The following HERPUD2 variants were observed in gnomAD, a reference collection of about 807,000 sequenced individuals.
HERPUD2 encodes HERPUD family member 2.
HERPUD2 carries 13 observed loss-of-function variants against 49.9 expected under a neutral mutation model. That is an observed-to-expected ratio of 0.26 (90% CI 0.17 to 0.41). HERPUD2 has a LOEUF of 0.41. Among genes scored for constraint, HERPUD2 ranks in the 10% least tolerant of loss-of-function variants. The pLI is 1.00. For missense variants in HERPUD2, 449 were observed against 492.2 expected, an observed-to-expected ratio of 0.91 and a Z score of 0.83; for synonymous variants, 172 against 171.4, an observed-to-expected ratio of 1.00 and a Z score of -0.03.
intron 5 of HERPUD2, among the ~76,000 whole-genome samples, chr7:35,658,660 T>C (rs1785336388): frequency 1.3e-5 from 2 of 152,220 alleles, no homozygotes; most frequent in Admixed American, 6.5e-5. Flanking sequence ...TTTTCAGATT[T>C]GTTATAAAAC....
chr7:35,686,349 G>A (rs922266627), intron 2 of HERPUD2, among the ~76,000 whole-genome samples: 47 of 149,112 alleles, frequency 3.2e-4, no homozygotes, highest in African/African-American at 5.4e-4. Context: ...CACCACGCCC[G>A]GCTAATTTTT....
intron 2 of HERPUD2, among the ~76,000 whole-genome samples, chr7:35,674,629 C>T (rs547900794): frequency 1.3e-5 from 2 of 151,780 alleles, no homozygotes; most frequent in Non-Finnish European, 2.9e-5. Context: ...GGGGAACCAA[C>T]AAAGTGATTA....
chr7:35,661,378 A>G (rs948620397), intron 5 of HERPUD2, among the ~76,000 whole-genome samples: 1 of 152,176 alleles, frequency 6.6e-6, no homozygotes, highest in African/African-American at 2.4e-5. Flanking sequence ...TTTTGGTTCC[A>G]TATGAACTTT....
rs188420339 is a variant in HERPUD2, at chr7:35,662,132, C to T, written c.494+5302G>A. Among the ~76,000 whole-genome samples, 7 of 152,268 alleles carry T rather than the reference C, an allele frequency of 4.6e-5. No individual in the cohort carries two copies. The East Asian group carries it at 1.3e-3, about 29-fold the overall frequency. On this transcript the variant is annotated intron_variant, in intron 5 of 8. Transcript: ENST00000311350. ...CCTTTTCTGCATCTATTGAGATAAT[C>T]ATGTGGTTTCTGTCTTTAGTTCTGT...
In HERPUD2 at chr7:35,686,911, C is replaced by T. The variant is rs530133909; in HGVS notation, c.147+7273G>A. 1.7e-4 allele frequency among the ~76,000 whole-genome samples: 23 copies of T among 137,086 alleles called. No individual in the cohort carries two copies. In the South Asian group the frequency reaches 3.1e-3, roughly 19 times the overall value. 89.9% of individuals were successfully genotyped at this position (137,086 alleles called of 152,430 possible). A position where few individuals can be genotyped will look rare whatever the true frequency, so the allele number is the denominator to read the frequency against. On this transcript the variant is annotated intron_variant, in intron 2 of 8. Transcript: ENST00000311350. Reference sequence around the variant, plus strand: ...TGAAACCCCGTCTCTACTGAAAATACAGAAAAATTAGGTGGGCAGGCGCCT... The same window carrying T: ...TGAAACCCCGTCTCTACTGAAAATATAGAAAAATTAGGTGGGCAGGCGCCT...
At chr7:35,674,522 C>T (rs546168811) in intron 2 of HERPUD2, among the ~76,000 whole-genome samples, 1 of 148,786 alleles carries the variant, frequency 6.7e-6, no homozygotes, top group Non-Finnish European at 1.5e-5. Context: ...CTGTTTCCTG[C>T]CGAACAGCTC....
rs1562683184 is a variant in HERPUD2 at position 35,675,121 on chromosome 7, A to C, written c.148-1843T>G. Among the ~76,000 whole-genome samples the C allele has an allele frequency of 7.2e-5, 11 of 152,300 alleles. No individual in the cohort carries two copies. In the South Asian group the frequency reaches 2.3e-3, roughly 32 times the overall value. On this transcript the variant is annotated intron_variant, in intron 2 of 8. Coordinates refer to ENST00000311350, the MANE Select transcript of HERPUD2 (RefSeq NM_022373.5). ...GTGGGATTGAGCCCTCAACCTGTGG[A>C]ATCTATCCCCAGGTAGATAGTGTCA...
chr7:35,644,152 C>CT (rs1231973008), intron 5 of HERPUD2, among the ~76,000 whole-genome samples: 1 of 151,856 alleles, frequency 6.6e-6, no homozygotes, highest in Non-Finnish European at 1.5e-5. Context: ...TGTGAAAACT[C>CT]TTTAACTTTT....
intron 2 of HERPUD2, among the ~76,000 whole-genome samples, chr7:35,692,995 GTAAT>G (rs1033950623): frequency 1.3e-5 from 2 of 152,170 alleles, no homozygotes; most frequent in Non-Finnish European, 2.9e-5. Flanking sequence ...AAAAGTTTTA[GTAAT>G]TAAACACTAC....
intron 5 of HERPUD2, among the ~76,000 whole-genome samples, chr7:35,638,953 C>G (rs957328904): frequency 6.6e-6 from 1 of 151,816 alleles, no homozygotes; most frequent in Non-Finnish European, 1.5e-5. Flanking sequence ...TTACAAAAAC[C>G]TGTAAAATAT....
rs547565607 is a variant in HERPUD2 at position 35,637,725 on chromosome 7, C to A, written c.617+625G>T. Among the ~76,000 whole-genome samples the A allele has an allele frequency of 1.1e-4, 17 of 152,146 alleles. No individual in the cohort carries two copies. The South Asian group carries it at 3.3e-3, about 30-fold the overall frequency. Reference sequence around the variant, plus strand: ...GCTGAGAAGCACGTAGTAACAAATACGTGATGAACTGAGAAAGAAATGTTA... The same window carrying A: ...GCTGAGAAGCACGTAGTAACAAATAAGTGATGAACTGAGAAAGAAATGTTA... On this transcript the variant is annotated intron_variant, in intron 6 of 8. Transcript: ENST00000311350.
At chr7:35,678,646 CT>C (rs1348939155) in intron 2 of HERPUD2, among the ~76,000 whole-genome samples, 2 of 152,132 alleles carry the variant, frequency 1.3e-5, no homozygotes, top group Non-Finnish European at 2.9e-5. Context: ...AAAAGGAAAT[CT>C]TTTAATTAAT....
At chr7:35,683,864 C>T (rs1430035553) in intron 2 of HERPUD2, among the ~76,000 whole-genome samples, 3 of 152,172 alleles carry the variant, frequency 2.0e-5, no homozygotes, top group African/African-American at 7.2e-5. Flanking sequence ...GCAATACCAC[C>T]TTACTGCTGC....
chr7:35,665,440 G>A (rs1455273054), intron 5 of HERPUD2, among the ~76,000 whole-genome samples: 1 of 152,244 alleles, frequency 6.6e-6, no homozygotes, highest in Non-Finnish European at 1.5e-5. Flanking sequence ...TAATCTCCTG[G>A]TGAGCCGTTT....
intron 5 of HERPUD2, among the ~76,000 whole-genome samples, chr7:35,664,034 T>C (rs866282526): frequency 1.3e-5 from 2 of 152,242 alleles, no homozygotes; most frequent in South Asian, 2.1e-4. Context: ...CTGGTACCGG[T>C]TGTTCCTTTC....
intron 2 of HERPUD2, among the ~76,000 whole-genome samples, chr7:35,682,357 GTATATA>G (rs3052526): frequency 0.098 from 2,517 of 25,800 alleles, 448 homozygotes; most frequent in South Asian, 0.32. Flanking sequence ...GTGTGTGTGT[GTATATA>G]TATATATATA....
intron 2 of HERPUD2, among the ~76,000 whole-genome samples, chr7:35,693,021 T>TA (rs1786225939): frequency 6.6e-6 from 1 of 152,186 alleles, no homozygotes; most frequent in South Asian, 2.1e-4. Context: ...TATTCAAGAA[T>TA]AAAAAATGTA....
intron 5 of HERPUD2, among the ~76,000 whole-genome samples, chr7:35,641,374 A>G (rs1167889558): frequency 6.6e-6 from 1 of 152,202 alleles, no homozygotes; most frequent in African/African-American, 2.4e-5. Context: ...AGAAGAATCA[A>G]TATCATTAAA....
chr7:35,647,691 G>C (rs539437747), intron 5 of HERPUD2, among the ~76,000 whole-genome samples: 1 of 152,134 alleles, frequency 6.6e-6, no homozygotes. Context: ...TAGTCACTTC[G>C]GCAATGCTGT....
Sources: allele counts gnomAD v4.1 joint callset (sites outside exome capture counted in the v4.1 genomes callset), GRCh38; gene constraint gnomAD v4.1.1; transcripts MANE v1.5; gene names NCBI Gene and HGNC (gene_info 2026-07-23, HGNC 2026-07-21).